The following ERI1 variants were observed in gnomAD, a reference collection of about 807,000 sequenced individuals.
ERI1 encodes exoribonuclease 1.
A neutral mutation model predicts 39.7 loss-of-function variants in ERI1; 39 were observed. The ratio of observed to expected loss-of-function variants is 0.98; its 90% CI spans 0.76 to 1.28. The LOEUF (loss-of-function observed/expected upper bound fraction) is 1.28, where lower values mean the gene tolerates loss of function less well. Among genes scored for constraint, ERI1 ranks in the 50% most tolerant of loss-of-function variants. The pLI is 0.00. For missense variants in ERI1, 581 were observed against 416.9 expected (o/e 1.39, Z -3.43); for synonymous variants, 204 against 149.6 (o/e 1.36, Z -2.65).
chr8:9,018,451 A>G, intron 5 of ERI1, 45 bp downstream of exon 5: 1 of 1,089,264 alleles, frequency 9.2e-7, no homozygotes, highest in Non-Finnish European at 1.4e-6. Context: ...CTTTTTAAAG[A>G]TTAAAGATAC....
intron 3 of ERI1, among the ~76,000 whole-genome samples, chr8:9,051,242 C>T (rs1416642178): frequency 1.3e-5 from 2 of 151,848 alleles, no homozygotes; most frequent in Non-Finnish European, 2.9e-5. Flanking sequence ...GGTTGAGGGA[C>T]TGCATCTGGT....
chr8:9,027,718 C>T (rs182373520), intron 6 of ERI1, among the ~76,000 whole-genome samples: 36 of 152,268 alleles, frequency 2.4e-4, no homozygotes, highest in East Asian at 5.8e-4. Context: ...TTCCCAACAC[C>T]GTTTGTTGAA....
At chr8:9,037,273 T>G (rs1797882496), downstream of ERI1, among the ~76,000 whole-genome samples, 1 of 152,146 alleles carries the variant, frequency 6.6e-6, no homozygotes, top group East Asian at 1.9e-4. Context: ...ACCATCACAC[T>G]CGCGTTGAGT....
chr8:9,085,553 A>G (rs1212550169), intron 3 of ERI1, among the ~76,000 whole-genome samples: 1 of 151,328 alleles, frequency 6.6e-6, no homozygotes, highest in Non-Finnish European at 1.5e-5. Context: ...ACACAGCCAC[A>G]CTCATTCATT....
At chr8:9,004,005 T>A in intron 1 of ERI1, 1 of 1,073,918 alleles carries the variant, frequency 9.3e-7, no homozygotes, top group Non-Finnish European at 1.3e-6. Context: ...CATTTGCTGC[T>A]CTGCGGGGTC....
chr8:9,026,918 A>C (rs554364819), intron 6 of ERI1, among the ~76,000 whole-genome samples: 30 of 152,290 alleles, frequency 2.0e-4, no homozygotes, highest in African/African-American at 7.0e-4. Context: ...ATGTTTTGGC[A>C]ATCATGAATA....
chr8:9,029,160 A>G (rs1797407518), intron 6 of ERI1, among the ~76,000 whole-genome samples: 1 of 152,066 alleles, frequency 6.6e-6, no homozygotes, highest in Non-Finnish European at 1.5e-5. Context: ...CATGTAAAAT[A>G]ACTAACTTGG....
At chr8:9,035,902 A>T (rs1020287586), downstream of ERI1, among the ~76,000 whole-genome samples, 1 of 152,204 alleles carries the variant, frequency 6.6e-6, no homozygotes, top group Non-Finnish European at 1.5e-5. Context: ...CCTTAACAGG[A>T]ATTTGCAAGA....
At chr8:9,008,526 T>G (rs1342357938) in intron 2 of ERI1, among the ~76,000 whole-genome samples, 1 of 152,236 alleles carries the variant, frequency 6.6e-6, no homozygotes, top group Non-Finnish European at 1.5e-5. Flanking sequence ...AGAGTTTGTT[T>G]GAAATCAGGT....
intron 3 of ERI1, among the ~76,000 whole-genome samples, chr8:9,073,643 C>T (rs866792137): frequency 6.6e-6 from 1 of 151,990 alleles, no homozygotes; most frequent in African/African-American, 2.4e-5. Flanking sequence ...TTTAAAATGT[C>T]GCTGAAAAAT....
At position 9,011,634 on chromosome 8, in the gene ERI1, A is replaced by T; in HGVS notation, c.380A>T (p.Tyr127Phe). Reference protein sequence around the residue: ...LKESNFADSYYDYICIIDFEA... With the variant: ...LKESNFADSYFDYICIIDFEA... ...GAGAGCAATTTTGCTGACAGTTATT[A>T]TGACTACATTTGTATTATTGACTTT... The change falls in exon 3 of 7, where the codon TAT becomes TTT. Residue 127 changes from tyrosine (Y) to phenylalanine (F), a missense_variant. Physicochemically the swap from Tyr to Phe is conservative, Grantham distance 22 (BLOSUM62 3). Transcript: ENST00000250263. The T allele has an allele frequency of 1.2e-6, 2 of 1,613,676 alleles. No individual in the cohort carries two copies. The highest frequency in any genetic ancestry group is 1.1e-5 in the South Asian group (1 of 91,044).
chr8:9,006,904 G>A (rs1816077829), intron 1 of ERI1, among the ~76,000 whole-genome samples: 1 of 152,174 alleles, frequency 6.6e-6, no homozygotes, highest in South Asian at 2.1e-4. Flanking sequence ...TCAGTTCTGA[G>A]TTAGGGACTG....
At chr8:9,092,383 T>C (rs11776235) in intron 3 of ERI1, among the ~76,000 whole-genome samples, 28,971 of 152,136 alleles carry the variant, frequency 0.19, 3,136 homozygotes, top group African/African-American at 0.27. Context: ...GTCTACACCA[T>C]TGCACACATG....
At chr8:9,017,267 A>G (rs138060043) in intron 4 of ERI1, among the ~76,000 whole-genome samples, 1 of 151,238 alleles carries the variant, frequency 6.6e-6, no homozygotes, top group African/African-American at 2.4e-5. Flanking sequence ...GTCTTGAAGA[A>G]CTCCTGACGT....
intron 3 of ERI1, among the ~76,000 whole-genome samples, chr8:9,052,966 C>T (rs1394557835): frequency 2.0e-5 from 3 of 152,130 alleles, no homozygotes; most frequent in African/African-American, 7.2e-5. Context: ...AAGAGGGGAA[C>T]TGGAGATTGA....
chr8:9,041,808 G>C (rs7462373), intron 3 of ERI1, among the ~76,000 whole-genome samples: 69,454 of 152,076 alleles, frequency 0.46, 17,345 homozygotes, highest in African/African-American at 0.63. Context: ...GATCTCGGCT[G>C]ACTTCAACCT....
intron 3 of ERI1, among the ~76,000 whole-genome samples, chr8:9,094,142 T>A (rs1799797706): frequency 6.6e-6 from 1 of 152,214 alleles, no homozygotes; most frequent in South Asian, 2.1e-4. Context: ...TATTATCAAA[T>A]ACAAATAGCA....
chr8:9,008,785 C>T (rs1310948443), intron 2 of ERI1, among the ~76,000 whole-genome samples: 1 of 152,150 alleles, frequency 6.6e-6, no homozygotes, highest in South Asian at 2.1e-4. Flanking sequence ...CAGAAAAATA[C>T]ATCGATTTTT....
intron 3 of ERI1, among the ~76,000 whole-genome samples, chr8:9,042,760 A>G (rs1485270032): frequency 1.3e-5 from 2 of 152,252 alleles, no homozygotes; most frequent in Non-Finnish European, 2.9e-5. Context: ...GAGTGTTGTC[A>G]TGATTTCGGA....
Sources: gnomAD v4.1 joint callset for allele counts (sites outside exome capture counted in the v4.1 genomes callset) on GRCh38, gnomAD v4.1.1 for gene constraint, MANE v1.5 for transcripts, NCBI Gene and HGNC (gene_info 2026-07-23, HGNC 2026-07-21) for gene names.